TANGO6: variants seen among roughly 807,000 people sequenced by gnomAD.
TANGO6 encodes the protein transport and golgi organization 6 homolog, also known as transport and Golgi organization protein 6 homolog.
TANGO6 carries 90 observed loss-of-function variants against 114.2 expected under a neutral mutation model. That is an observed-to-expected ratio of 0.79 (90% CI 0.66 to 0.94). TANGO6 has a LOEUF of 0.94. TANGO6 is among the 40% of genes least tolerant of loss of function. The pLI, the probability that TANGO6 is intolerant of heterozygous loss-of-function variation, is 0.00. For missense variants in TANGO6, 1,274 were observed against 1,315.3 expected (o/e 0.97, Z 0.49); for synonymous variants, 477 against 509.8 (o/e 0.94, Z 0.87).
chr16:68,977,352 G>C (rs1960617439), intron 15 of TANGO6, among the ~76,000 whole-genome samples: 1 of 151,288 alleles, frequency 6.6e-6, no homozygotes, highest in Non-Finnish European at 1.5e-5. Flanking sequence ...TCATGTCACA[G>C]AGAGTGAAAT....
chr16:68,962,966 C>T (rs1438239650), intron 14 of TANGO6, among the ~76,000 whole-genome samples: 9 of 147,306 alleles, frequency 6.1e-5, no homozygotes, highest in Middle Eastern at 3.4e-3. Flanking sequence ...TGGTGGCGGG[C>T]GCCCGTAGTC....
intron 15 of TANGO6, among the ~76,000 whole-genome samples, chr16:68,987,861 G>A (rs1028643885): frequency 2.0e-5 from 3 of 152,174 alleles, no homozygotes; most frequent in African/African-American, 7.2e-5. Context: ...TGTGGGAAAA[G>A]AATTTGTTTT....
chr16:68,865,753 C>CAAAAAA (rs367608096), intron 3 of TANGO6, among the ~76,000 whole-genome samples: 44 of 115,034 alleles, frequency 3.8e-4, no homozygotes, highest in African/African-American at 1.1e-3. Flanking sequence ...ACTAAAAATA[C>CAAAAAA]AAAAAAAAAA....
intron 17 of TANGO6, among the ~76,000 whole-genome samples, chr16:69,046,527 G>C (rs1959862046): frequency 6.6e-6 from 1 of 152,022 alleles, no homozygotes; most frequent in Admixed American, 6.6e-5. Flanking sequence ...TGTTGGTCAG[G>C]CTGGTCTCAA....
At chr16:68,918,259 A>G (rs900000367) in intron 11 of TANGO6, among the ~76,000 whole-genome samples, 47 of 152,212 alleles carry the variant, frequency 3.1e-4, no homozygotes, top group African/African-American at 1.1e-3. Flanking sequence ...TTTGGAAAAC[A>G]GTCTCTTGTC....
intron 14 of TANGO6, among the ~76,000 whole-genome samples, chr16:68,970,161 C>T (rs1430063149): frequency 6.6e-6 from 1 of 152,038 alleles, no homozygotes. Context: ...ATAGTTAGCC[C>T]ACTCAAACCA....
intron 4 of TANGO6, among the ~76,000 whole-genome samples, chr16:68,871,519 A>C (rs937897964): frequency 6.6e-6 from 1 of 152,176 alleles, no homozygotes; most frequent in African/African-American, 2.4e-5. Flanking sequence ...TGAGATTTGA[A>C]TGACACCAAA....
chr16:69,063,301 G>A (rs1280940517), intron 17 of TANGO6, among the ~76,000 whole-genome samples: 2 of 151,474 alleles, frequency 1.3e-5, no homozygotes, highest in Non-Finnish European at 2.9e-5. Context: ...CAAGGCGGGC[G>A]GATCACGAGG....
At chr16:68,897,486 A>G (rs1014698123) in intron 7 of TANGO6, among the ~76,000 whole-genome samples, 3 of 152,212 alleles carry the variant, frequency 2.0e-5, no homozygotes, top group African/African-American at 7.2e-5. Context: ...AAATAGCTGT[A>G]CATTATTTCC....
intron 10 of TANGO6, among the ~76,000 whole-genome samples, chr16:68,907,903 C>A (rs1962874558): frequency 6.6e-6 from 1 of 152,176 alleles, no homozygotes; most frequent in Non-Finnish European, 1.5e-5. Flanking sequence ...AAGTTAATAG[C>A]AGGTTTTACA....
intron 17 of TANGO6, among the ~76,000 whole-genome samples, chr16:69,061,655 T>C (rs1252975128): frequency 6.6e-6 from 1 of 152,046 alleles, no homozygotes. Flanking sequence ...TGGGCAGAGG[T>C]TTTTGCCATA....
chr16:68,919,249 T>A lies in TANGO6; in HGVS notation c.2127+30T>A, dbSNP rs141704713. The A allele has an allele frequency of 3.8e-4, 618 of 1,607,302 alleles. 4 individuals are homozygous for A. The African/African-American group carries it at 7.0e-3, about 18-fold the overall frequency. ...GTTGTAGACATGAGGCAAGCTTGAA[T>A]GGAGGGAAGGGAGAAGCGAAATACC... is the stretch of plus-strand genomic sequence containing the variant. On this transcript the variant is annotated intron_variant, in intron 12 of 17. Coordinates refer to ENST00000261778, the MANE Select transcript of TANGO6 (RefSeq NM_024562.2).
At chr16:68,953,218 G>T (rs1463328566) in intron 14 of TANGO6, among the ~76,000 whole-genome samples, 1 of 151,890 alleles carries the variant, frequency 6.6e-6, no homozygotes, top group Non-Finnish European at 1.5e-5. Context: ...TGAGTAACTG[G>T]GATTACAGGC....
intron 15 of TANGO6, among the ~76,000 whole-genome samples, chr16:68,990,580 T>C (rs1390958410): frequency 6.6e-6 from 1 of 152,132 alleles, no homozygotes; most frequent in Non-Finnish European, 1.5e-5. Context: ...AATTTGTTTG[T>C]ATATTTCGTA....
intron 9 of TANGO6, 64 bp from the exon 10 acceptor site, chr16:68,907,379 T>C: frequency 6.8e-7 from 1 of 1,478,566 alleles, no homozygotes; most frequent in Non-Finnish European, 9.0e-7. Flanking sequence ...AAGATTGTTA[T>C]GGGGTTTAAA....
chr16:69,016,648 A>G (rs1170584609), intron 15 of TANGO6, among the ~76,000 whole-genome samples: 1 of 151,928 alleles, frequency 6.6e-6, no homozygotes, highest in East Asian at 1.9e-4. Context: ...TAAAATATTT[A>G]TTTTATGTAT....
intron 15 of TANGO6, among the ~76,000 whole-genome samples, chr16:69,020,940 GTGGT>G (rs908026543): frequency 6.8e-6 from 1 of 147,836 alleles, no homozygotes; most frequent in Non-Finnish European, 1.5e-5. Context: ...GTGTGTGTGT[GTGGT>G]GTGTGTGTGT....
chr16:68,871,541 C>T (rs11864025), intron 4 of TANGO6, among the ~76,000 whole-genome samples: 16 of 151,966 alleles, frequency 1.1e-4, no homozygotes, highest in African/African-American at 3.9e-4. Flanking sequence ...ATTATGTTTA[C>T]TGTTGTCCTG....
At position 68,849,384 on chromosome 16, in the gene TANGO6, C is replaced by T. The variant is rs564652634; in HGVS notation, c.94+5673C>T. 2.5e-4 allele frequency among the ~76,000 whole-genome samples: 38 copies of T among 151,440 alleles called. 1 individual carries two copies. The highest frequency in any genetic ancestry group is 6.6e-4 in the African/African-American group (27 of 41,184). Reference sequence around the variant, plus strand: ...GGATGTGGTGGCTCATACCTGTAATCGCAGCATTTTGGGAGGCTGAAGTGG... The same window carrying T: ...GGATGTGGTGGCTCATACCTGTAATTGCAGCATTTTGGGAGGCTGAAGTGG... On this transcript the variant is annotated intron_variant, in intron 1 of 17. Coordinates refer to ENST00000261778, the MANE Select transcript of TANGO6 (RefSeq NM_024562.2).
Sources: allele counts gnomAD v4.1 joint callset (sites outside exome capture counted in the v4.1 genomes callset), GRCh38; gene constraint gnomAD v4.1.1; transcripts MANE v1.5; gene names NCBI Gene and HGNC (gene_info 2026-07-23, HGNC 2026-07-21).